The following FHIT variants were observed in gnomAD, a reference collection of about 807,000 sequenced individuals.
FHIT encodes fragile histidine triad diadenosine triphosphatase, also known as bis(5'-adenosyl)-triphosphatase.
A neutral mutation model predicts 17.9 loss-of-function variants in FHIT; 19 were observed. That is an observed-to-expected ratio of 1.06 (90% CI 0.74 to 1.56). The LOEUF is 1.56. Among genes scored for constraint, FHIT ranks in the 40% most tolerant of loss-of-function variants. FHIT has a pLI of 0.00. For synonymous variants in FHIT, 81 were observed against 69.7 expected (o/e 1.16, Z -0.81); for missense variants, 248 against 189.2 (o/e 1.31, Z -1.82).
chr3:60,614,808 T>TG (rs1334874544), intron 4 of FHIT, among the ~76,000 whole-genome samples: 7 of 50,708 alleles, frequency 1.4e-4, no homozygotes, highest in African/African-American at 3.1e-4. Context: ...TTGCAAAAGT[T>TG]GTTTTTTTTT....
rs148638065 is a variant in FHIT, at chr3:60,081,786, A to T, written c.104-67634T>A. 8.5e-5 allele frequency among the ~76,000 whole-genome samples: 13 copies of T among 152,214 alleles called. No homozygotes were observed. The East Asian group carries it at 2.3e-3, about 27-fold the overall frequency. ...TATATACAGGACCCTAATCAGAGAG[A>T]GTGCCAGGAATAACAGCCATGCATG... On this transcript the variant is annotated intron_variant, in intron 5 of 9. Coordinates refer to ENST00000492590, the MANE Select transcript of FHIT (RefSeq NM_002012.4).
intron 4 of FHIT, among the ~76,000 whole-genome samples, chr3:60,648,535 A>C (rs1553687397): frequency 6.6e-6 from 1 of 152,130 alleles, no homozygotes; most frequent in East Asian, 1.9e-4. Flanking sequence ...AAGGAAACAA[A>C]CAGAAAACAT....
intron 2 of FHIT, among the ~76,000 whole-genome samples, chr3:61,167,811 G>A (rs2037886635): frequency 6.6e-6 from 1 of 152,054 alleles, no homozygotes; most frequent in African/African-American, 2.4e-5. Context: ...CAAGCACAGG[G>A]TTTTGGCATA....
intron 8 of FHIT, among the ~76,000 whole-genome samples, chr3:59,807,275 G>T (rs1700240185): frequency 6.6e-6 from 1 of 152,192 alleles, no homozygotes; most frequent in Non-Finnish European, 1.5e-5. Context: ...ACACATTGCG[G>T]GTTGGGGTGC....
Position 60,709,205 on chromosome 3 carries a change from C to T in FHIT, c.-18+112714G>A, listed in dbSNP as rs868946621. On this transcript the variant is annotated intron_variant, in intron 4 of 9. Coordinates refer to ENST00000492590, the MANE Select transcript of FHIT (RefSeq NM_002012.4). ...ATTTATTTTAAAATGACAGTAATAA[C>T]CAATTACATGTAAATATACATATTT... Among the ~76,000 whole-genome samples, 9 of 152,186 alleles carry T rather than the reference C, an allele frequency of 5.9e-5. 1 individual carries two copies. The South Asian group carries it at 1.2e-3, about 21-fold the overall frequency.
chr3:60,353,697 C>G (rs1000053534), intron 5 of FHIT, among the ~76,000 whole-genome samples: 15 of 151,986 alleles, frequency 9.9e-5, no homozygotes, highest in African/African-American at 3.6e-4. Context: ...AAAGCCAACT[C>G]TTTAGAAATG....
chr3:60,366,139 G>A (rs1011162417), intron 5 of FHIT, among the ~76,000 whole-genome samples: 3 of 152,114 alleles, frequency 2.0e-5, no homozygotes, highest in African/African-American at 4.8e-5. Flanking sequence ...TTCTTGCATA[G>A]AACTGAATTT....
At chr3:60,664,199 CT>C (rs1211837365) in intron 4 of FHIT, among the ~76,000 whole-genome samples, 18 of 152,010 alleles carry the variant, frequency 1.2e-4, no homozygotes, top group Non-Finnish European at 1.8e-4. Flanking sequence ...ATATTATTTA[CT>C]TTTTTTATTT....
chr3:60,118,504 G>T (rs767290305), intron 5 of FHIT, among the ~76,000 whole-genome samples: 32 of 152,060 alleles, frequency 2.1e-4, no homozygotes, highest in Non-Finnish European at 4.1e-4. Context: ...ATGTCAAGGG[G>T]TGACTGACAG....
At chr3:60,794,052 G>GA (rs1700886635) in intron 4 of FHIT, among the ~76,000 whole-genome samples, 1 of 151,862 alleles carries the variant, frequency 6.6e-6, no homozygotes, top group South Asian at 2.1e-4. Flanking sequence ...AAAAAGTGCA[G>GA]AAAAAAAATA....
intron 5 of FHIT, among the ~76,000 whole-genome samples, chr3:60,090,829 G>A (rs914206029): frequency 6.6e-6 from 1 of 152,194 alleles, no homozygotes; most frequent in Non-Finnish European, 1.5e-5. Context: ...AAGGGCCTGT[G>A]CACCTGTGAA....
In FHIT at chr3:60,270,965, G is replaced by A. The variant is rs184495207; in HGVS notation, c.104-256813C>T. On this transcript the variant is annotated intron_variant, in intron 5 of 9. Transcript: ENST00000492590. ...TCAAAGGTCTCAAACTAGATAAACC[G>A]AAATCAGTAATAGAGGACTTATGCT... 3.8e-3 allele frequency among the ~76,000 whole-genome samples: 584 copies of A among 152,216 alleles called. 3 individuals are homozygous for A. Among genetic ancestry groups the A allele is most frequent in the African/African-American group, 0.013 (549 of 41,534 alleles).
At chr3:60,815,449 G>A (rs1359083292) in intron 4 of FHIT, among the ~76,000 whole-genome samples, 2 of 152,112 alleles carry the variant, frequency 1.3e-5, no homozygotes, top group African/African-American at 4.8e-5. Context: ...TCATTCTTCT[G>A]TATATGGCTA....
intron 3 of FHIT, among the ~76,000 whole-genome samples, chr3:60,972,486 C>T (rs568688196): frequency 2.7e-5 from 4 of 149,922 alleles, no homozygotes; most frequent in African/African-American, 9.7e-5. Flanking sequence ...CCTTTGGATG[C>T]TTTTAAGATG....
At chr3:60,795,722 C>T (rs1405480412) in intron 4 of FHIT, among the ~76,000 whole-genome samples, 2 of 152,034 alleles carry the variant, frequency 1.3e-5, no homozygotes, top group Non-Finnish European at 2.9e-5. Flanking sequence ...ACCATGTTAC[C>T]CAGCCTGGTC....
At chr3:59,911,106 C>G (rs563366582) in intron 8 of FHIT, among the ~76,000 whole-genome samples, 6 of 152,138 alleles carry the variant, frequency 3.9e-5, no homozygotes, top group Non-Finnish European at 7.3e-5. Context: ...TATTCTTGGT[C>G]TGATTATTTG....
chr3:60,158,027 T>C (rs1229052482), intron 5 of FHIT, among the ~76,000 whole-genome samples: 1 of 152,214 alleles, frequency 6.6e-6, no homozygotes, highest in Non-Finnish European at 1.5e-5. Context: ...AAAGTTCTCC[T>C]TACCACTATG....
intron 5 of FHIT, among the ~76,000 whole-genome samples, chr3:60,074,676 A>C (rs1045093434): frequency 1.3e-5 from 2 of 152,066 alleles, no homozygotes; most frequent in Non-Finnish European, 2.9e-5. Context: ...AAAAAAAACA[A>C]CATGCACTTT....
chr3:60,927,752 G>A lies in FHIT; in HGVS notation c.-110-105741C>T, dbSNP rs538960904. Among the ~76,000 whole-genome samples the A allele has an allele frequency of 4.4e-3, 651 of 148,234 alleles. 3 individuals are homozygous for A. Among genetic ancestry groups the A allele is most frequent in the African/African-American group, 0.015 (608 of 40,062 alleles). On this transcript the variant is annotated intron_variant, in intron 3 of 9. Transcript: ENST00000492590. ...GTGGGCGTGCCCCCACCCGGCAGCC[G>A]CCCCGCCTGGGAGGTGAGGAGCCCC...
Sources: allele counts gnomAD v4.1 joint callset (sites outside exome capture counted in the v4.1 genomes callset), GRCh38; gene constraint gnomAD v4.1.1; transcripts MANE v1.5; gene names NCBI Gene and HGNC (gene_info 2026-07-23, HGNC 2026-07-21).